ATG5: variants seen among roughly 807,000 people sequenced by gnomAD.
ATG5 encodes autophagy related 5.
ATG5 carries 14 observed loss-of-function variants against 36.5 expected under a neutral mutation model. The observed-to-expected ratio is 0.38, with a 90% CI of 0.25 to 0.60. The LOEUF (loss-of-function observed/expected upper bound fraction) is 0.60. Ranked by LOEUF, ATG5 falls within the 20% of genes least tolerant of loss-of-function variation. The pLI, the probability that ATG5 is intolerant of heterozygous loss-of-function variation, is 0.60. For missense variants in ATG5, 195 were observed against 326.7 expected, an observed-to-expected ratio of 0.60 and a Z score of 3.11; for synonymous variants, 95 against 101.5, an observed-to-expected ratio of 0.94 and a Z score of 0.38.
intron 1 of ATG5, among the ~76,000 whole-genome samples, chr6:106,322,610 C>CA (rs1771130046): frequency 6.6e-6 from 1 of 152,148 alleles, no homozygotes; most frequent in South Asian, 2.1e-4. Flanking sequence ...TACTGTGAAT[C>CA]AGTGATTCTC....
chr6:106,321,004 T>C (rs1291049650), intron 1 of ATG5, among the ~76,000 whole-genome samples: 1 of 152,188 alleles, frequency 6.6e-6, no homozygotes, highest in East Asian at 1.9e-4. Context: ...GAAAGAGAAG[T>C]TGATGAAAAA....
intron 6 of ATG5, among the ~76,000 whole-genome samples, chr6:106,214,702 C>T (rs922321636): frequency 3.3e-5 from 5 of 152,100 alleles, no homozygotes; most frequent in Admixed American, 2.6e-4. Flanking sequence ...TTCAAATAAG[C>T]GCAACACTTT....
In ATG5 at chr6:106,186,160, A is replaced by C. The variant is rs533867426; in HGVS notation, c.*380T>G. 4.1e-5 allele frequency: 7 copies of C among 168,824 alleles called. No homozygotes were observed. In the South Asian group the frequency reaches 1.4e-3, roughly 34 times the overall value. The allele number at this position is 168,824 out of a possible 1,614,324, so 10.5% of individuals were successfully genotyped here. A position where few individuals can be genotyped will look rare whatever the true frequency, so the allele number is the denominator to read the frequency against. On this transcript the variant is annotated 3_prime_UTR_variant, in exon 8 of 8. Coordinates refer to ENST00000369076, the MANE Select transcript of ATG5 (RefSeq NM_004849.4). ...ACCAATGTTTCCACTTTCATGAGCT[A>C]AAGTTCAACCATGGTCACCTTAGGA...
chr6:106,269,458 C>T (rs1779357930), intron 5 of ATG5, among the ~76,000 whole-genome samples: 1 of 152,170 alleles, frequency 6.6e-6, no homozygotes, highest in Non-Finnish European at 1.5e-5. Flanking sequence ...GAGCAGAGGG[C>T]GGCACTCGTC....
At chr6:106,281,894 T>C (rs537645474) in intron 4 of ATG5, among the ~76,000 whole-genome samples, 2 of 152,352 alleles carry the variant, frequency 1.3e-5, no homozygotes, top group Admixed American at 1.3e-4. Context: ...TGTCTCTTTG[T>C]GGTTTTAATT....
intron 5 of ATG5, among the ~76,000 whole-genome samples, chr6:106,251,701 AAGAG>A (rs562112269): frequency 9.4e-6 from 1 of 106,712 alleles, no homozygotes; most frequent in Non-Finnish European, 2.0e-5. Flanking sequence ...CAGAAAAAGA[AAGAG>A]AAAAAGAAAG....
chr6:106,304,851 G>A (rs1364481890), intron 3 of ATG5, among the ~76,000 whole-genome samples: 1 of 152,146 alleles, frequency 6.6e-6, no homozygotes, highest in African/African-American at 2.4e-5. Flanking sequence ...CAGCACTTTG[G>A]GAGGCCCAGG....
intron 6 of ATG5, among the ~76,000 whole-genome samples, chr6:106,235,486 G>C (rs1777863456): frequency 6.6e-6 from 1 of 151,808 alleles, no homozygotes; most frequent in Admixed American, 6.6e-5. Context: ...TGGGGGGACT[G>C]AGAGACAGGA....
intron 7 of ATG5, among the ~76,000 whole-genome samples, chr6:106,194,562 G>A (rs1005040327): frequency 3.3e-5 from 5 of 150,642 alleles, no homozygotes; most frequent in African/African-American, 1.2e-4. Context: ...TTTTGAGATG[G>A]AGTTTCACTC....
chr6:106,279,964 A>G (rs1779814213), intron 4 of ATG5, 141 bp from the exon 5 acceptor site: 1 of 495,438 alleles, frequency 2.0e-6, no homozygotes, highest in Non-Finnish European at 3.2e-6. Flanking sequence ...AATACTTTAA[A>G]ATTTAACTTA....
At chr6:106,197,099 A>C (rs73522607) in intron 7 of ATG5, among the ~76,000 whole-genome samples, 16,766 of 152,234 alleles carry the variant, frequency 0.11, 999 homozygotes, top group South Asian at 0.16. Flanking sequence ...AGAACACATT[A>C]CTTCCAAAGT....
intron 4 of ATG5, among the ~76,000 whole-genome samples, chr6:106,280,546 C>T (rs1779839214): frequency 6.6e-6 from 1 of 150,882 alleles, no homozygotes; most frequent in Non-Finnish European, 1.5e-5. Flanking sequence ...TCTATAACTT[C>T]ACTGATTCTT....
intron 6 of ATG5, among the ~76,000 whole-genome samples, chr6:106,222,164 C>T (rs1256730163): frequency 6.6e-6 from 1 of 152,136 alleles, no homozygotes; most frequent in Non-Finnish European, 1.5e-5. Flanking sequence ...TGAGCCACTG[C>T]GTCTGGCCTA....
chr6:106,234,134 C>A (rs1326071169), intron 6 of ATG5, among the ~76,000 whole-genome samples: 1 of 152,114 alleles, frequency 6.6e-6, no homozygotes, highest in African/African-American at 2.4e-5. Flanking sequence ...AGTTCAAGAT[C>A]AGGCAAGAGA....
At chr6:106,220,278 CACA>C (rs1316607680) in intron 6 of ATG5, among the ~76,000 whole-genome samples, 2 of 152,122 alleles carry the variant, frequency 1.3e-5, no homozygotes, top group Admixed American at 6.5e-5. Flanking sequence ...AATCAATGCA[CACA>C]ACAATACGTA....
chr6:106,272,522 A>G (rs912699903), intron 5 of ATG5, among the ~76,000 whole-genome samples: 5 of 152,174 alleles, frequency 3.3e-5, no homozygotes, highest in African/African-American at 1.2e-4. Flanking sequence ...CCTCAGCCTG[A>G]AACAACTTTC....
chr6:106,259,949 T>C (rs548918504), intron 5 of ATG5, among the ~76,000 whole-genome samples: 130 of 152,306 alleles, frequency 8.5e-4, no homozygotes, highest in African/African-American at 3.0e-3. Flanking sequence ...TGTGTTCATG[T>C]CCTTTGCAGG....
chr6:106,288,134 C>G (rs1780157919), intron 4 of ATG5, among the ~76,000 whole-genome samples: 1 of 151,890 alleles, frequency 6.6e-6, no homozygotes, highest in South Asian at 2.1e-4. Flanking sequence ...CCATGCCCAG[C>G]TAATTTTTGT....
chr6:106,314,221 TTC>T (rs541006403), intron 2 of ATG5, among the ~76,000 whole-genome samples: 146 of 152,320 alleles, frequency 9.6e-4, no homozygotes, highest in African/African-American at 3.3e-3. Context: ...TACATGAAAT[TTC>T]TCTAACTTTA....
Sources: gnomAD v4.1 joint callset for allele counts (sites outside exome capture counted in the v4.1 genomes callset) on GRCh38, gnomAD v4.1.1 for gene constraint, MANE v1.5 for transcripts, NCBI Gene and HGNC (gene_info 2026-07-23, HGNC 2026-07-21) for gene names.